RUNX1T1: variants seen among roughly 807,000 people sequenced by gnomAD.
The protein encoded by RUNX1T1 is protein CBFA2T1.
In RUNX1T1, 4 loss-of-function variants were observed where a neutral mutation model predicts 62.8. That is an observed-to-expected ratio of 0.06 (90% CI 0.03 to 0.15). The LOEUF is 0.15. RUNX1T1 is among the 10% of genes least tolerant of loss of function. The pLI is 1.00. For missense variants in RUNX1T1, 508 were observed against 754.3 expected (o/e 0.67, Z 3.82); for synonymous variants, 291 against 286.0 (o/e 1.02, Z -0.18).
At chr8:92,008,943 T>C (rs1821404289) in intron 4 of RUNX1T1, among the ~76,000 whole-genome samples, 1 of 152,226 alleles carries the variant, frequency 6.6e-6, no homozygotes, top group Non-Finnish European at 1.5e-5. Context: ...TATGACTGCT[T>C]TCACTGAAGA....
intron 1 of RUNX1T1, among the ~76,000 whole-genome samples, chr8:92,024,390 T>G (rs1824715095): frequency 6.6e-6 from 1 of 151,100 alleles, no homozygotes; most frequent in African/African-American, 2.4e-5. Context: ...ATGCCTGTAG[T>G]TCCTGCTATG....
intron 1 of RUNX1T1, among the ~76,000 whole-genome samples, chr8:92,034,797 TACAC>T (rs200718439): frequency 0.044 from 4,261 of 96,712 alleles, 235 homozygotes; most frequent in South Asian, 0.21. Flanking sequence ...TATACATATA[TACAC>T]ACACACACAC....
intron 8 of RUNX1T1, chr8:91,979,965 A>G: frequency 2.4e-6 from 1 of 418,144 alleles, no homozygotes; most frequent in Non-Finnish European, 4.7e-6. Flanking sequence ...TGATCATGAT[A>G]ATATCTATTA....
At chr8:91,957,058 G>A, downstream of RUNX1T1, 2 of 216,724 alleles carry the variant, frequency 9.2e-6, no homozygotes, top group East Asian at 6.8e-5. Flanking sequence ...AGAGAAAAGA[G>A]TAAGAGACAG....
At chr8:92,036,848 C>CT (rs1827507492) in intron 1 of RUNX1T1, among the ~76,000 whole-genome samples, 1 of 152,102 alleles carries the variant, frequency 6.6e-6, no homozygotes, top group South Asian at 2.1e-4. Context: ...GCTTAGCTTC[C>CT]TTTCAGTACC....
intron 1 of RUNX1T1, among the ~76,000 whole-genome samples, chr8:92,084,382 T>C (rs1398941161): frequency 6.6e-6 from 1 of 152,062 alleles, no homozygotes; most frequent in African/African-American, 2.4e-5. Context: ...CAGCAATAAA[T>C]TGTGCATTCT....
At chr8:91,972,839 C>A (rs2130652639) in intron 9 of RUNX1T1, among the ~76,000 whole-genome samples, 1 of 152,144 alleles carries the variant, frequency 6.6e-6, no homozygotes, top group Non-Finnish European at 1.5e-5. Context: ...ATTCTCTGAT[C>A]ATGTAAAAAG....
chr8:91,991,783 A>C (rs1383982334), exon 6 of RUNX1T1: 2 of 1,614,116 alleles, frequency 1.2e-6, no homozygotes, highest in Non-Finnish European at 1.7e-6. Flanking sequence ...GGCTGGTAGG[A>C]TAAGCCGTTA....
At chr8:92,062,388 T>C (rs1426733153) in intron 1 of RUNX1T1, among the ~76,000 whole-genome samples, 3 of 152,352 alleles carry the variant, frequency 2.0e-5, no homozygotes, top group South Asian at 4.1e-4. Context: ...TGTGGTTCTC[T>C]TTATGCTACC....
At chr8:91,966,313 G>A (rs1024617758) in intron 10 of RUNX1T1, among the ~76,000 whole-genome samples, 1 of 151,982 alleles carries the variant, frequency 6.6e-6, no homozygotes, top group South Asian at 2.1e-4. Context: ...GTCTACACAG[G>A]TGGCATTTCC....
At chr8:92,086,763 C>T (rs1397726460) in intron 1 of RUNX1T1, among the ~76,000 whole-genome samples, 5 of 152,220 alleles carry the variant, frequency 3.3e-5, no homozygotes, top group Non-Finnish European at 5.9e-5. Flanking sequence ...ACTTCCCCCT[C>T]TCTAAATCCA....
chr8:92,050,167 T>G (rs780814625), intron 1 of RUNX1T1, among the ~76,000 whole-genome samples: 3 of 152,218 alleles, frequency 2.0e-5, no homozygotes, highest in Non-Finnish European at 4.4e-5. Context: ...TACATTTTTG[T>G]TAAGAAGAAG....
At chr8:91,955,093 C>T (rs749350233), downstream of RUNX1T1, 9 of 211,302 alleles carry the variant, frequency 4.3e-5, no homozygotes, top group Admixed American at 1.8e-4. Flanking sequence ...TGTTCTTTCA[C>T]GGGAGACACA....
At chr8:92,103,294 C>A (rs979142763), upstream of RUNX1T1, 4 of 218,366 alleles carry the variant, frequency 1.8e-5, no homozygotes, top group African/African-American at 9.0e-5. Context: ...CTCGCTCACT[C>A]TCGAGGAAGG....
At chr8:92,099,230 T>C (rs569166063) in intron 1 of RUNX1T1, among the ~76,000 whole-genome samples, 1 of 152,224 alleles carries the variant, frequency 6.6e-6, no homozygotes, top group Non-Finnish European at 1.5e-5. Flanking sequence ...TTTTAAGTTG[T>C]TATTAACATG....
At chr8:92,070,878 T>C (rs1370919434) in intron 2 of RUNX1T1, among the ~76,000 whole-genome samples, 1 of 152,228 alleles carries the variant, frequency 6.6e-6, no homozygotes, top group Non-Finnish European at 1.5e-5. Context: ...TCACTGCACA[T>C]GTAGTCACAC....
chr8:92,061,632 G>C (rs1243354239), intron 1 of RUNX1T1, among the ~76,000 whole-genome samples: 2 of 152,216 alleles, frequency 1.3e-5, no homozygotes, highest in African/African-American at 4.8e-5. Flanking sequence ...ACACACAACT[G>C]TGGTTGCAGA....
chr8:91,960,494 T>C, exon 11 of RUNX1T1: 1 of 1,614,130 alleles, frequency 6.2e-7, no homozygotes, highest in Non-Finnish European at 8.5e-7. Flanking sequence ...TTTCACTCGC[T>C]TTACGGCCAC....
intron 5 of RUNX1T1, among the ~76,000 whole-genome samples, chr8:91,995,463 T>C (rs1563705786): frequency 6.6e-6 from 1 of 152,192 alleles, no homozygotes; most frequent in Non-Finnish European, 1.5e-5. Flanking sequence ...CATCACCTCA[T>C]AAGGATAGTT....
Sources: allele counts gnomAD v4.1 joint callset (sites outside exome capture counted in the v4.1 genomes callset), GRCh38; gene constraint gnomAD v4.1.1; transcripts MANE v1.5; gene names NCBI Gene and HGNC (gene_info 2026-07-23, HGNC 2026-07-21).